Variants in ZNF248 observed in about 807,000 individuals in gnomAD.
ZNF248 encodes the protein KRAB protein domain.
Under a neutral mutation model 44.3 loss-of-function variants are expected in ZNF248, and 20 were observed. That is an observed-to-expected ratio of 0.45 (90% CI 0.32 to 0.66). The LOEUF is 0.66. Among genes scored for constraint, ZNF248 ranks in the 30% least tolerant of loss-of-function variants. The probability of loss-of-function intolerance (pLI) is 0.04; values close to 1 mark genes in which losing one functional copy is unlikely to be tolerated. For missense variants in ZNF248, 654 were observed against 677.0 expected, an observed-to-expected ratio of 0.97 and a Z score of 0.38; for synonymous variants, 224 against 229.0, an observed-to-expected ratio of 0.98 and a Z score of 0.20.
At chr10:37,839,383 C>G (rs78241521) in intron 3 of ZNF248, among the ~76,000 whole-genome samples, 2 of 152,096 alleles carry the variant, frequency 1.3e-5, no homozygotes, top group African/African-American at 2.4e-5. Context: ...TCAGTAACAA[C>G]TGACACACCT....
intron 6 of ZNF248, among the ~76,000 whole-genome samples, chr10:37,787,628 AAT>A (rs1471700856): frequency 7.0e-6 from 1 of 143,136 alleles, no homozygotes; most frequent in African/African-American, 2.7e-5. Context: ...ATGTTGGGAC[AAT>A]TGTATATCCC....
chr10:37,816,204 C>T (rs2052431665), intron 6 of ZNF248, among the ~76,000 whole-genome samples: 1 of 152,136 alleles, frequency 6.6e-6, no homozygotes, highest in Non-Finnish European at 1.5e-5. Context: ...AAGAGCATCT[C>T]TCCAGTGAAT....
intron 6 of ZNF248, among the ~76,000 whole-genome samples, chr10:37,793,335 A>G (rs1258508509): frequency 6.6e-6 from 1 of 151,868 alleles, no homozygotes; most frequent in African/African-American, 2.4e-5. Context: ...ACTCTGTCTA[A>G]AAAAAAATTA....
At chr10:37,820,241 G>C (rs915893312) in intron 6 of ZNF248, 1 of 1,342,870 alleles carries the variant, frequency 7.4e-7, no homozygotes, top group African/African-American at 1.4e-5. Flanking sequence ...GCCAGATGGA[G>C]ATCTGTTTTT....
intron 6 of ZNF248, chr10:37,820,000 GC>G: frequency 1.3e-6 from 1 of 773,432 alleles, no homozygotes; most frequent in Non-Finnish European, 2.4e-6. Flanking sequence ...ATCTCTACAT[GC>G]CATCTTCTCT....
At chr10:37,786,853 AG>A (rs1361714474) in intron 6 of ZNF248, among the ~76,000 whole-genome samples, 1 of 152,228 alleles carries the variant, frequency 6.6e-6, no homozygotes, top group East Asian at 1.9e-4. Flanking sequence ...AATGCACAAA[AG>A]TTTTAATTTT....
rs771751090 is a variant in ZNF248 at position 37,837,742 on chromosome 10, G to A, written c.143-30C>T. ...TAAGAGAAAATACCACAGGACTAGA[G>A]CTAAATAGCTTGGTTTCAGGGGCTC... is the stretch of plus-strand genomic sequence containing the variant. On this transcript the variant is annotated intron_variant, in intron 4 of 5. Coordinates refer to ENST00000395867, the MANE Select transcript of ZNF248 (RefSeq NM_021045.3). 9.4e-6 allele frequency: 15 copies of A among 1,595,330 alleles called. No homozygotes were observed. In the South Asian group the frequency reaches 1.7e-4, roughly 18 times the overall value.
intron 6 of ZNF248, among the ~76,000 whole-genome samples, chr10:37,799,684 C>T (rs1251136632): frequency 6.6e-6 from 1 of 151,998 alleles, no homozygotes; most frequent in Admixed American, 6.6e-5. Flanking sequence ...ACAAGACGAA[C>T]CTAATGGAGA....
chr10:37,826,175 T>C (rs1326651156), downstream of ZNF248, among the ~76,000 whole-genome samples: 1 of 152,186 alleles, frequency 6.6e-6, no homozygotes, highest in African/African-American at 2.4e-5. Context: ...ATTTCCATTG[T>C]GTAAGTGTGT....
intron 6 of ZNF248, among the ~76,000 whole-genome samples, chr10:37,816,196 G>A (rs1406157463): frequency 6.6e-6 from 1 of 152,152 alleles, no homozygotes; most frequent in Non-Finnish European, 1.5e-5. Context: ...TAAATCAAAA[G>A]AGCATCTCTC....
chr10:37,780,909 C>T (rs534342944), intron 6 of ZNF248, among the ~76,000 whole-genome samples: 20 of 152,116 alleles, frequency 1.3e-4, no homozygotes, highest in Non-Finnish European at 2.2e-4. Context: ...CTGCAAGGAA[C>T]GGAAGCACAG....
At chr10:37,814,340 C>T (rs1564519109) in intron 6 of ZNF248, among the ~76,000 whole-genome samples, 3 of 152,200 alleles carry the variant, frequency 2.0e-5, no homozygotes, top group African/African-American at 7.2e-5. Flanking sequence ...CTTCTTTATA[C>T]ATTGTGTCCA....
intron 6 of ZNF248, among the ~76,000 whole-genome samples, chr10:37,782,632 G>A (rs867762901): frequency 4.5e-4 from 69 of 152,230 alleles, no homozygotes; most frequent in African/African-American, 1.5e-3. Flanking sequence ...CTTTTCTAAT[G>A]ACTGGTGTCC....
chr10:37,823,450 T>C (rs2053833231), intron 6 of ZNF248, among the ~76,000 whole-genome samples: 2 of 151,718 alleles, frequency 1.3e-5, no homozygotes, highest in Non-Finnish European at 2.9e-5. Context: ...CAACGTTCTA[T>C]ATTTTCAAAT....
chr10:37,799,681 G>A lies in ZNF248; in HGVS notation c.331-23106C>T, dbSNP rs143433561. Among the ~76,000 whole-genome samples, 19 of 152,194 alleles carry A rather than the reference G, an allele frequency of 1.2e-4. No individual in the cohort carries two copies. The East Asian group carries it at 3.7e-3, about 29-fold the overall frequency. ...TAAGAAGGGTGAGACAGGACAAGAC[G>A]AACCTAATGGAGAATTAATTAAGGA... On this transcript the variant is annotated intron_variant, in intron 6 of 6. Coordinates refer to the ZNF248 transcript ENST00000615949.
intron 3 of ZNF248, among the ~76,000 whole-genome samples, chr10:37,839,222 T>C (rs2057836569): frequency 6.6e-6 from 1 of 152,150 alleles, no homozygotes; most frequent in Non-Finnish European, 1.5e-5. Flanking sequence ...TTTACGTGCG[T>C]TGTCACATGT....
At chr10:37,806,224 GA>G (rs1331179556) in intron 6 of ZNF248, among the ~76,000 whole-genome samples, 7 of 152,148 alleles carry the variant, frequency 4.6e-5, no homozygotes, top group African/African-American at 1.7e-4. Context: ...TATATACTCA[GA>G]AGTGGAATTG....
At chr10:37,771,415 AT>A in the ZNF248 span, among the ~76,000 whole-genome samples, 1 of 152,190 alleles carries the variant, frequency 6.6e-6, no homozygotes, top group Non-Finnish European at 1.5e-5. Flanking sequence ...AATGTGGCAC[AT>A]ATACACCATG....
downstream of ZNF248, among the ~76,000 whole-genome samples, chr10:37,774,749 A>C (rs1383980358): frequency 3.9e-5 from 6 of 152,166 alleles, no homozygotes; most frequent in Admixed American, 1.3e-4. Flanking sequence ...CAGGCCAGGA[A>C]GTCTTTGTGT....
Sources: gnomAD v4.1 joint callset for allele counts (sites outside exome capture counted in the v4.1 genomes callset) on GRCh38, gnomAD v4.1.1 for gene constraint, MANE v1.5 for transcripts, NCBI Gene and HGNC (gene_info 2026-07-23, HGNC 2026-07-21) for gene names.